The following ZNF44 variants were observed in gnomAD, a reference collection of about 807,000 sequenced individuals.
ZNF44 encodes the protein gonadotropin inducible transcription repressor-2.
Under a neutral mutation model 11.7 loss-of-function variants are expected in ZNF44, and 9 were observed. That is an observed-to-expected ratio of 0.77 (90% CI 0.46 to 1.35). The LOEUF is 1.35. Among genes scored for constraint, ZNF44 ranks in the 40% most tolerant of loss-of-function variants. ZNF44 has a pLI of 0.00. For missense variants in ZNF44, 696 were observed against 743.1 expected (o/e 0.94, Z 0.74); for synonymous variants, 224 against 242.7 (o/e 0.92, Z 0.72).
At chr19:12,247,608 T>G, downstream of ZNF44, 1 of 1,333,732 alleles carries the variant, frequency 7.5e-7, no homozygotes, top group South Asian at 1.2e-5. Flanking sequence ...TTTACATTCA[T>G]ACTGTTTCTT....
chr19:12,283,259 T>C (rs1967562676), intron 1 of ZNF44, among the ~76,000 whole-genome samples: 1 of 152,164 alleles, frequency 6.6e-6, no homozygotes, highest in Non-Finnish European at 1.5e-5. Context: ...GAGACAGACC[T>C]AAAGATTAAA....
Position 12,294,871 on chromosome 19 carries a change from G to A in ZNF44, c.-177C>T. ...AACGTCACACCCTCCTCTCTGCCTC[G>A]CGCCTGATTGACAATTCTCAGGAAC... On this transcript the variant is annotated 5_prime_UTR_variant, in exon 1 of 4. Transcript: ENST00000355684. 1 of 685,172 alleles carries A rather than the reference G, an allele frequency of 1.5e-6. No homozygotes were observed. The highest frequency in any genetic ancestry group is 2.3e-6 in the Non-Finnish European group (1 of 437,132). The allele number at this position is 685,172 out of a possible 1,614,324, so 42.4% of individuals were successfully genotyped here.
At chr19:12,236,125 A>T (rs1346515157) in intron 1 of ZNF44, among the ~76,000 whole-genome samples, 2 of 152,242 alleles carry the variant, frequency 1.3e-5, no homozygotes, top group Non-Finnish European at 2.9e-5. Context: ...AATATTTTGA[A>T]TCGATGAAGC....
rs1272041014 is a variant in ZNF44 at position 12,264,606 on chromosome 19, GATT to G, written c.1912+7878_1912+7880del. On this transcript the variant is annotated intron_variant and NMD_transcript_variant, in intron 5 of 7. Coordinates refer to the ZNF44 transcript ENST00000393337. ...TTGGAAAATGAAGTTAATTATAAAT[GATT>G]ATTTAATCACTAGTCAAACTATTAA... 3.3e-5 allele frequency among the ~76,000 whole-genome samples: 5 copies of G among 152,172 alleles called. No individual in the cohort carries two copies. The East Asian group carries it at 7.7e-4, about 23-fold the overall frequency.
In ZNF44 at chr19:12,273,155, C is replaced by T; in HGVS notation, c.1100G>A (p.Cys367Tyr). The change falls in exon 4 of 4, where the codon TGT (cysteine) becomes TAT (tyrosine). Residue 367 changes from cysteine (C) to tyrosine (Y), a missense_variant. Transcript: ENST00000355684. ...AGATAACAATTTCCCACATTGCTTA[C>T]ATTCATAGGGTTTCTCTAGAGTGTG... is the stretch of plus-strand genomic sequence containing the variant. The part of the protein sequence containing the change: ...GTHTLEKPYE[C>Y]KQCGKLLSHR... 2 of 1,613,846 alleles carry T rather than the reference C, an allele frequency of 1.2e-6. No individual in the cohort carries two copies. The highest frequency in any genetic ancestry group is 1.7e-6 in the Non-Finnish European group (2 of 1,179,722).
chr19:12,262,033 G>GA (rs1311884630), intron 5 of ZNF44, among the ~76,000 whole-genome samples: 1 of 151,832 alleles, frequency 6.6e-6, no homozygotes, highest in African/African-American at 2.4e-5. Context: ...TGTAAATTAA[G>GA]AAAAAAATCT....
At chr19:12,226,604 T>TA (rs1221811861) in intron 3 of ZNF44, 1 of 152,344 alleles carries the variant, frequency 6.6e-6, no homozygotes, top group East Asian at 1.9e-4. Flanking sequence ...TACATACAGA[T>TA]AGTTTCCAAA....
exon 8 of ZNF44, chr19:12,248,270 T>C (rs1448229445): frequency 7.7e-7 from 1 of 1,297,026 alleles, no homozygotes; most frequent in South Asian, 1.2e-5. Context: ...TTCCACATTC[T>C]TTACACTTAA....
At chr19:12,285,012 G>A (rs1439242291) in intron 1 of ZNF44, 4 of 705,696 alleles carry the variant, frequency 5.7e-6, no homozygotes, top group Middle Eastern at 3.9e-4. Context: ...GGGCAACTTC[G>A]CCAAGGCCAC....
At chr19:12,263,617 CAAAAAACA>C (rs1273013220) in intron 5 of ZNF44, among the ~76,000 whole-genome samples, 1 of 151,616 alleles carries the variant, frequency 6.6e-6, no homozygotes. Flanking sequence ...CTACAAAAAA[CAAAAAACA>C]AAAAAACAAA....
At chr19:12,251,488 C>T (rs578072402) in intron 5 of ZNF44, among the ~76,000 whole-genome samples, 2 of 152,134 alleles carry the variant, frequency 1.3e-5, no homozygotes, top group South Asian at 4.2e-4. Context: ...TTCATTTTCA[C>T]TATTTGTGTT....
rs1386398319 is a variant in ZNF44, at chr19:12,231,209, T to TAA, written n.381-695_381-694insTT. ...CCACCTACCCATTACTGAGGTTATG[T>TAA]CCTGTGTGGGTATGTTTGAAAAGTG... On this transcript the variant is annotated intron_variant and non_coding_transcript_variant, in intron 2 of 3. Coordinates refer to the ZNF44 transcript ENST00000597563. Among the ~76,000 whole-genome samples, 18 of 152,262 alleles carry TAA rather than the reference T, an allele frequency of 1.2e-4. No homozygotes were observed. The East Asian group carries it at 3.5e-3, about 29-fold the overall frequency.
chr19:12,274,907 T>C, intron 3 of ZNF44, 66 bp downstream of exon 3: 1 of 1,270,170 alleles, frequency 7.9e-7, no homozygotes, highest in Non-Finnish European at 1.1e-6. Flanking sequence ...TGCTTCTTTT[T>C]AAAAGTTCTT....
downstream of ZNF44, among the ~76,000 whole-genome samples, chr19:12,267,191 CCCA>C (rs1263676147): frequency 6.6e-6 from 1 of 151,840 alleles, no homozygotes; most frequent in Non-Finnish European, 1.5e-5. Context: ...ATTACAGGCA[CCCA>C]CCACCACACC....
At chr19:12,260,608 CA>C in intron 5 of ZNF44, 1 of 617,370 alleles carries the variant, frequency 1.6e-6, no homozygotes, top group South Asian at 2.0e-5. Flanking sequence ...CCGCAAAAAA[CA>C]AAAACAAAAA....
chr19:12,232,765 T>C (rs535001824), intron 2 of ZNF44, among the ~76,000 whole-genome samples: 14 of 152,254 alleles, frequency 9.2e-5, no homozygotes, highest in Middle Eastern at 6.8e-3. Context: ...ACAGCAACAA[T>C]CTGATCTCTC....
upstream of ZNF44, among the ~76,000 whole-genome samples, chr19:12,238,750 C>T (rs576457018): frequency 6.6e-6 from 1 of 152,154 alleles, no homozygotes; most frequent in South Asian, 2.1e-4. Flanking sequence ...GAGCCGAGAT[C>T]GTGCCACTGC....
At chr19:12,233,320 A>G (rs1245537247) in intron 2 of ZNF44, among the ~76,000 whole-genome samples, 6 of 152,176 alleles carry the variant, frequency 3.9e-5, no homozygotes, top group Admixed American at 2.6e-4. Flanking sequence ...TGACCAAAAT[A>G]GGCCAGAAGC....
At chr19:12,227,134 T>C (rs1915955168) in intron 3 of ZNF44, among the ~76,000 whole-genome samples, 1 of 152,250 alleles carries the variant, frequency 6.6e-6, no homozygotes, top group Non-Finnish European at 1.5e-5. Context: ...CCTGTCCTGA[T>C]TCATATTAAC....
Sources: allele counts gnomAD v4.1 joint callset (sites outside exome capture counted in the v4.1 genomes callset), GRCh38; gene constraint gnomAD v4.1.1; transcripts MANE v1.5; gene names NCBI Gene and HGNC (gene_info 2026-07-23, HGNC 2026-07-21).